The following EPB41L2 variants were observed in gnomAD, a reference collection of about 807,000 sequenced individuals.
The protein encoded by EPB41L2 is erythrocyte membrane protein band 4.1 like 2.
A neutral mutation model predicts 113.0 loss-of-function variants in EPB41L2; 43 were observed. That is an observed-to-expected ratio of 0.38 (90% CI 0.30 to 0.49). The LOEUF (loss-of-function observed/expected upper bound fraction) is 0.49. Among genes scored for constraint, EPB41L2 ranks in the 20% least tolerant of loss-of-function variants. The probability of loss-of-function intolerance (pLI) is 0.95; values close to 1 mark genes in which losing one functional copy is unlikely to be tolerated. For missense variants in EPB41L2, 1,147 were observed against 1,223.4 expected, an observed-to-expected ratio of 0.94 and a Z score of 0.93; for synonymous variants, 442 against 436.7, an observed-to-expected ratio of 1.01 and a Z score of -0.15.
intron 11 of EPB41L2, among the ~76,000 whole-genome samples, chr6:130,888,216 G>A (rs1791659579): frequency 6.6e-6 from 1 of 152,146 alleles, no homozygotes; most frequent in Admixed American, 6.5e-5. Context: ...GGAAAAAACG[G>A]AGAATATAAG....
At chr6:131,007,461 T>C (rs1477587425) in intron 1 of EPB41L2, among the ~76,000 whole-genome samples, 2 of 152,134 alleles carry the variant, frequency 1.3e-5, no homozygotes, top group African/African-American at 4.8e-5. Context: ...AGTAAATTGG[T>C]ACCGGGAGTG....
chr6:130,907,852 T>G (rs369306862), intron 5 of EPB41L2, among the ~76,000 whole-genome samples: 2 of 150,540 alleles, frequency 1.3e-5, no homozygotes, highest in Non-Finnish European at 3.0e-5. Context: ...AATAAGTAAG[T>G]AAGGAAATGA....
At chr6:130,915,049 A>G (rs1800512616) in intron 4 of EPB41L2, among the ~76,000 whole-genome samples, 1 of 152,164 alleles carries the variant, frequency 6.6e-6, no homozygotes, top group African/African-American at 2.4e-5. Context: ...CACGCCTGTA[A>G]TCCCAGCACT....
intron 1 of EPB41L2, among the ~76,000 whole-genome samples, chr6:131,035,610 C>T (rs1340638670): frequency 2.0e-5 from 3 of 152,204 alleles, no homozygotes; most frequent in Admixed American, 1.3e-4. Context: ...CAGAGCCTTA[C>T]ATTTCAAACT....
intron 1 of EPB41L2, among the ~76,000 whole-genome samples, chr6:131,061,679 C>T (rs9483209): frequency 0.19 from 28,209 of 152,134 alleles, 2,792 homozygotes; most frequent in East Asian, 0.37. Flanking sequence ...CTAGCCCCTG[C>T]AGCATAGAAA....
At chr6:130,886,725 C>G (rs1341909075) in intron 11 of EPB41L2, among the ~76,000 whole-genome samples, 1 of 152,110 alleles carries the variant, frequency 6.6e-6, no homozygotes, top group Admixed American at 6.5e-5. Flanking sequence ...CCTCCATTTC[C>G]TAGGTTCAAG....
At chr6:130,894,582 T>C (rs774566368) in intron 9 of EPB41L2, 141 bp from the exon 10 acceptor site, 1 of 703,776 alleles carries the variant, frequency 1.4e-6, no homozygotes, top group Non-Finnish European at 2.3e-6. Context: ...AATATAATCA[T>C]ATAAAGATGA....
chr6:130,878,788 TTTTG>T (rs937057496), intron 13 of EPB41L2, among the ~76,000 whole-genome samples: 16 of 152,322 alleles, frequency 1.1e-4, no homozygotes, highest in African/African-American at 2.9e-4. Context: ...AGCCAAGGTT[TTTTG>T]TTTGTTTGTT....
chr6:131,013,788 G>A (rs1447310949), intron 1 of EPB41L2, among the ~76,000 whole-genome samples: 1 of 152,032 alleles, frequency 6.6e-6, no homozygotes, highest in Non-Finnish European at 1.5e-5. Context: ...ATTAAGAAAG[G>A]GCCCCATATA....
intron 11 of EPB41L2, among the ~76,000 whole-genome samples, chr6:130,887,657 T>C (rs561239762): frequency 3.9e-5 from 6 of 152,340 alleles, no homozygotes; most frequent in Admixed American, 3.3e-4. Context: ...CCGCCTCTGC[T>C]ACCTGGAATG....
chr6:130,956,446 CCTT>C lies in EPB41L2; in HGVS notation c.37_39del (p.Lys13del), dbSNP rs778438093. On this transcript the variant is annotated inframe_deletion, in exon 2 of 20. Transcript: ENST00000337057. ...GCATCTGTTCCTAACTGGCTAGAGT[CCTT>C]CTTCACTTCAGACACAGAGCCTACT... is the stretch of plus-strand genomic sequence containing the variant. 5 of 1,613,832 alleles carry C rather than the reference CCTT, an allele frequency of 3.1e-6. No homozygotes were observed. In the African/African-American group the frequency reaches 4.0e-5, roughly 13 times the overall value.
intron 1 of EPB41L2, among the ~76,000 whole-genome samples, chr6:131,056,494 TA>T: frequency 6.6e-6 from 1 of 152,368 alleles, no homozygotes; most frequent in East Asian, 1.9e-4. Context: ...CTGAAATTGT[TA>T]AAAAGTGGTT....
chr6:130,876,485 A>AAT lies in EPB41L2; in HGVS notation c.2043+1617_2043+1618dup, dbSNP rs1284239612. 2.0e-5 allele frequency among the ~76,000 whole-genome samples: 3 copies of AAT among 152,202 alleles called. No individual in the cohort carries two copies. In the East Asian group the frequency reaches 5.8e-4, roughly 29 times the overall value. Reference sequence around the variant, plus strand: ...ATTTTGACTTTTCAAGTGCTTCTGCAATATGGTATTTCTCATCCAACAATC... The same window carrying AAT: ...ATTTTGACTTTTCAAGTGCTTCTGCAATATATGGTATTTCTCATCCAACAATC... On this transcript the variant is annotated intron_variant, in intron 14 of 19. Transcript: ENST00000337057.
chr6:131,030,915 GAA>G (rs75998999), intron 1 of EPB41L2, among the ~76,000 whole-genome samples: 2 of 123,062 alleles, frequency 1.6e-5, no homozygotes, highest in East Asian at 2.3e-4. Context: ...CATCTCTACA[GAA>G]AAAAAAAAAA....
At chr6:130,863,541 G>T in intron 18 of EPB41L2, 97 bp downstream of exon 18, 2 of 807,190 alleles carry the variant, frequency 2.5e-6, no homozygotes, top group Non-Finnish European at 4.1e-6. Context: ...AGGAGGTTTG[G>T]GGAGAAGAGG....
chr6:130,880,031 T>C (rs1788776630), intron 13 of EPB41L2, 113 bp downstream of exon 13: 5 of 719,636 alleles, frequency 6.9e-6, no homozygotes, highest in African/African-American at 1.8e-5. Context: ...AATTCCCCCA[T>C]GCACTGCATG....
At chr6:130,909,718 C>A (rs1280474078) in intron 4 of EPB41L2, among the ~76,000 whole-genome samples, 3 of 152,156 alleles carry the variant, frequency 2.0e-5, no homozygotes, top group Non-Finnish European at 4.4e-5. Flanking sequence ...GTGCGAAAAT[C>A]ACAAGCATTC....
intron 17 of EPB41L2, 79 bp downstream of exon 17, chr6:130,865,457 C>T (rs1257849226): frequency 7.1e-7 from 1 of 1,401,904 alleles, no homozygotes; most frequent in Non-Finnish European, 1.0e-6. Flanking sequence ...GAAGTGTGTA[C>T]AGGAAGAGAG....
At chr6:130,957,921 A>G (rs1278403413) in intron 1 of EPB41L2, among the ~76,000 whole-genome samples, 1 of 152,226 alleles carries the variant, frequency 6.6e-6, no homozygotes, top group East Asian at 1.9e-4. Flanking sequence ...AAACCACTGG[A>G]TTGTATACTT....
Sources: allele counts gnomAD v4.1 joint callset (sites outside exome capture counted in the v4.1 genomes callset), GRCh38; gene constraint gnomAD v4.1.1; transcripts MANE v1.5; gene names NCBI Gene and HGNC (gene_info 2026-07-23, HGNC 2026-07-21).